Variants in MICAL2 observed in about 807,000 individuals in gnomAD.
The protein encoded by MICAL2 is microtubule associated monooxygenase, calponin and LIM domain containing 2.
MICAL2 carries 77 observed loss-of-function variants against 127.3 expected under a neutral mutation model. The ratio of observed to expected loss-of-function variants is 0.60; its 90% CI spans 0.50 to 0.73. MICAL2 has a LOEUF of 0.73. Among genes scored for constraint, MICAL2 ranks in the 30% least tolerant of loss-of-function variants. The pLI, the probability that MICAL2 is intolerant of heterozygous loss-of-function variation, is 0.00. For missense variants in MICAL2, 1,351 were observed against 1,434.4 expected (o/e 0.94, Z 0.94); for synonymous variants, 570 against 551.1 (o/e 1.03, Z -0.48).
chr11:12,147,883 G>A (rs964785762), intron 2 of MICAL2, among the ~76,000 whole-genome samples: 6 of 152,168 alleles, frequency 3.9e-5, no homozygotes, highest in African/African-American at 9.7e-5. Context: ...GATTCTATTC[G>A]GGAACAGGCC....
intron 2 of MICAL2, among the ~76,000 whole-genome samples, chr11:12,285,019 A>G (rs1590720774): frequency 6.6e-6 from 1 of 152,224 alleles, no homozygotes; most frequent in African/African-American, 2.4e-5. Context: ...GGAGACCAGA[A>G]TTTTATTATT....
At chr11:12,335,125 A>AT (rs1938725114) in intron 32 of MICAL2, among the ~76,000 whole-genome samples, 1 of 146,028 alleles carries the variant, frequency 6.8e-6, no homozygotes, top group Non-Finnish European at 1.5e-5. Context: ...TTTTTTCCTG[A>AT]TTTTTTAATG....
chr11:12,219,362 C>T (rs1028724976), intron 8 of MICAL2, among the ~76,000 whole-genome samples: 1 of 151,884 alleles, frequency 6.6e-6, no homozygotes, highest in African/African-American at 2.4e-5. Context: ...CCTCGCAGCT[C>T]AGGGCTCTGC....
At chr11:12,226,651 GTTT>G (rs202072260) in intron 14 of MICAL2, among the ~76,000 whole-genome samples, 21,448 of 125,972 alleles carry the variant, frequency 0.17, 2,064 homozygotes, top group East Asian at 0.48. Flanking sequence ...TTTGTTTTTG[GTTT>G]TTTTTTTTTT....
At chr11:12,305,239 A>T (rs1336166734) in intron 29 of MICAL2, among the ~76,000 whole-genome samples, 1 of 152,168 alleles carries the variant, frequency 6.6e-6, no homozygotes, top group Admixed American at 6.5e-5. Flanking sequence ...GCAGAAGGGG[A>T]GGCAGGCGCA....
At chr11:12,229,286 G>C (rs1857891363) in intron 15 of MICAL2, among the ~76,000 whole-genome samples, 1 of 152,210 alleles carries the variant, frequency 6.6e-6, no homozygotes, top group South Asian at 2.1e-4. Flanking sequence ...CCTTAGCTGG[G>C]CAAGGAAGAT....
At chr11:12,261,921 G>T (rs529703025) in intron 26 of MICAL2, 1 of 986,932 alleles carries the variant, frequency 1.0e-6, no homozygotes, top group Non-Finnish European at 1.2e-6. Context: ...TTGAGGTCAT[G>T]ATGTGAACGG....
In MICAL2 at chr11:12,284,503, G is replaced by T. The variant is rs114232765; in HGVS notation, c.255-2584G>T. On this transcript the variant is annotated intron_variant, in intron 2 of 2. Transcript: ENST00000529028. The stretch of plus-strand genomic sequence containing the variant: ...CCCGTTGTGGTAAAAATGTGTGCAT[G>T]TGTGTTCTATTAACACCAGTGATGG... 1.6e-3 allele frequency among the ~76,000 whole-genome samples: 244 copies of T among 152,134 alleles called. 3 individuals are homozygous for T. The highest frequency in any genetic ancestry group is 5.5e-3 in the African/African-American group (228 of 41,490).
intron 30 of MICAL2, among the ~76,000 whole-genome samples, chr11:12,320,029 A>G (rs1864275257): frequency 6.6e-6 from 1 of 152,008 alleles, no homozygotes; most frequent in Admixed American, 6.6e-5. Context: ...CAAATTTGGG[A>G]GAAAAAAAAA....
rs764668461 is a variant in MICAL2, at chr11:12,241,020, A to G, written c.2215-20A>G. On this transcript the variant is annotated intron_variant, in intron 17 of 27. Transcript: ENST00000683283. ...ATGTCTCCTGTGGCTGCTTTTTTGG[A>G]CTCGCCTTTCTTCTCCCAGGAACGC... The G allele has an allele frequency of 6.2e-7, 1 of 1,610,214 alleles. No individual in the cohort carries two copies.
intron 29 of MICAL2, among the ~76,000 whole-genome samples, chr11:12,302,174 C>T (rs1296999109): frequency 6.6e-6 from 1 of 152,060 alleles, no homozygotes; most frequent in Non-Finnish European, 1.5e-5. Context: ...TCACTTATGT[C>T]GCGAGTCTGT....
intron 1 of MICAL2, among the ~76,000 whole-genome samples, chr11:12,134,532 C>G (rs904300941): frequency 6.6e-6 from 1 of 152,164 alleles, no homozygotes; most frequent in Admixed American, 6.5e-5. Flanking sequence ...TCTGTAGATA[C>G]CTTGCTGTAC....
chr11:12,176,533 T>A (rs11825123), intron 3 of MICAL2, among the ~76,000 whole-genome samples: 5,463 of 152,270 alleles, frequency 0.036, 234 homozygotes, highest in African/African-American at 0.1. Flanking sequence ...AAGTGCACAG[T>A]TCAGTGGCAA....
intron 1 of MICAL2, among the ~76,000 whole-genome samples, chr11:12,127,517 T>C (rs533435141): frequency 6.6e-6 from 1 of 151,858 alleles, no homozygotes; most frequent in East Asian, 1.9e-4. Context: ...GGGAAGGAGA[T>C]GGTGTGTGCT....
rs561723614 is a variant in MICAL2 at position 12,257,188 on chromosome 11, C to T, written c.3142+217C>T. Reference sequence around the variant, plus strand: ...AAGGGGTAGCATCAGCACTGTGGTACGGCATACCAGGTCCTGGTGGGCACC... The same window carrying T: ...AAGGGGTAGCATCAGCACTGTGGTATGGCATACCAGGTCCTGGTGGGCACC... On this transcript the variant is annotated intron_variant, in intron 24 of 27. Coordinates refer to ENST00000683283, the MANE Select transcript of MICAL2 (RefSeq NM_001282663.2). The T allele has an allele frequency of 1.4e-3, 705 of 506,632 alleles. 1 individual carries two copies. Among genetic ancestry groups the T allele is most frequent in the South Asian group, 2.6e-3 (76 of 29,244 alleles). The allele number at this position is 506,632 out of a possible 1,614,324, so 31.4% of individuals were successfully genotyped here.
intron 6 of MICAL2, among the ~76,000 whole-genome samples, chr11:12,211,645 C>T (rs115308339): frequency 0.013 from 1,946 of 152,236 alleles, 51 homozygotes; most frequent in African/African-American, 0.045. Flanking sequence ...AGGAGGGAGA[C>T]ACACTGTTGA....
At chr11:12,249,039 C>A in intron 21 of MICAL2, 145 bp from the exon 22 acceptor site, 1 of 1,012,932 alleles carries the variant, frequency 9.9e-7, no homozygotes. Flanking sequence ...AGCAACTACT[C>A]TTGAGGGTAA....
chr11:12,125,438 T>G (rs1254202285), intron 1 of MICAL2, among the ~76,000 whole-genome samples: 1 of 152,180 alleles, frequency 6.6e-6, no homozygotes, highest in Non-Finnish European at 1.5e-5. Flanking sequence ...GTATTTTTAG[T>G]ACAGACGGGG....
intron 8 of MICAL2, among the ~76,000 whole-genome samples, chr11:12,219,321 G>T (rs921319787): frequency 2.6e-5 from 4 of 151,998 alleles, no homozygotes; most frequent in Admixed American, 6.6e-5. Context: ...GTGTTTCATT[G>T]CTAGTGTCCC....
Sources: gnomAD v4.1 joint callset for allele counts (sites outside exome capture counted in the v4.1 genomes callset) on GRCh38, gnomAD v4.1.1 for gene constraint, MANE v1.5 for transcripts, NCBI Gene and HGNC (gene_info 2026-07-23, HGNC 2026-07-21) for gene names.